DLG2: variants seen among roughly 807,000 people sequenced by gnomAD.
The protein encoded by DLG2 is discs large MAGUK scaffold protein 2, also known as disks large homolog 2.
A neutral mutation model predicts 132.5 loss-of-function variants in DLG2; 45 were observed. The observed-to-expected ratio is 0.34, with a 90% confidence interval of 0.27 to 0.44. The LOEUF (loss-of-function observed/expected upper bound fraction) is 0.44. Among genes scored for constraint, DLG2 ranks in the 20% least tolerant of loss-of-function variants. The pLI, the probability that DLG2 is intolerant of heterozygous loss-of-function variation, is 1.00. For missense variants in DLG2, 1,045 were observed against 1,196.9 expected, an observed-to-expected ratio of 0.87 and a Z score of 1.87; for synonymous variants, 424 against 419.6, an observed-to-expected ratio of 1.01 and a Z score of -0.13.
chr11:84,027,304 A>T (rs1310337261), intron 11 of DLG2, among the ~76,000 whole-genome samples: 1 of 152,104 alleles, frequency 6.6e-6, no homozygotes, highest in Non-Finnish European at 1.5e-5. Flanking sequence ...AGTTTTGGCA[A>T]CTACTAACTC....
intron 7 of DLG2, among the ~76,000 whole-genome samples, chr11:84,375,245 T>A (rs1433516388): frequency 1.3e-5 from 2 of 152,194 alleles, no homozygotes; most frequent in Admixed American, 6.6e-5. Flanking sequence ...CTTGTCTTAT[T>A]AATCTTTGTT....
intron 18 of DLG2, among the ~76,000 whole-genome samples, chr11:83,687,539 C>T (rs180757872): frequency 4.4e-4 from 67 of 152,168 alleles, no homozygotes; most frequent in Non-Finnish European, 6.3e-4. Context: ...TATTGCCTTC[C>T]TGCTATTTAT....
At chr11:83,862,142 T>C (rs947096263) in intron 16 of DLG2, among the ~76,000 whole-genome samples, 2 of 152,220 alleles carry the variant, frequency 1.3e-5, no homozygotes, top group African/African-American at 4.8e-5. Flanking sequence ...TGTGCTCCCA[T>C]GGTGATTGCA....
chr11:85,547,215 C>T (rs913514788), intron 3 of DLG2, among the ~76,000 whole-genome samples: 12 of 152,150 alleles, frequency 7.9e-5, no homozygotes, highest in Non-Finnish European at 1.6e-4. Context: ...TCAGCACTTG[C>T]TTGTCTATAA....
intron 6 of DLG2, among the ~76,000 whole-genome samples, chr11:84,870,954 A>T (rs567338953): frequency 1.3e-4 from 20 of 152,344 alleles, no homozygotes; most frequent in African/African-American, 4.8e-4. Flanking sequence ...TTCTAGGTTC[A>T]TTATATTTAT....
intron 20 of DLG2, among the ~76,000 whole-genome samples, chr11:83,537,712 G>A (rs1453871942): frequency 6.6e-6 from 1 of 150,510 alleles, no homozygotes; most frequent in Non-Finnish European, 1.5e-5. Context: ...CTACTCAGGA[G>A]GCTGAGGCAG....
At chr11:83,764,602 C>A (rs1399860658) in intron 18 of DLG2, among the ~76,000 whole-genome samples, 1 of 150,844 alleles carries the variant, frequency 6.6e-6, no homozygotes, top group Admixed American at 6.6e-5. Flanking sequence ...TAAACATTAA[C>A]CTACTTAATC....
At chr11:84,430,179 T>C (rs915763328) in intron 7 of DLG2, among the ~76,000 whole-genome samples, 1 of 152,146 alleles carries the variant, frequency 6.6e-6, no homozygotes, top group Non-Finnish European at 1.5e-5. Flanking sequence ...GGTTCACACC[T>C]GTAATCCCAG....
intron 14 of DLG2, among the ~76,000 whole-genome samples, chr11:83,946,439 G>T (rs2083983944): frequency 6.6e-6 from 1 of 152,134 alleles, no homozygotes; most frequent in South Asian, 2.1e-4. Context: ...TCCAGATTTG[G>T]TAGATCTGGC....
intron 9 of DLG2, among the ~76,000 whole-genome samples, chr11:84,162,029 A>C (rs1022954816): frequency 2.6e-5 from 4 of 152,220 alleles, no homozygotes; most frequent in African/African-American, 9.6e-5. Flanking sequence ...CCTGAAGATG[A>C]GAAATGCTCT....
At chr11:83,511,818 C>T (rs1241042316) in intron 21 of DLG2, among the ~76,000 whole-genome samples, 1 of 151,744 alleles carries the variant, frequency 6.6e-6, no homozygotes, top group African/African-American at 2.4e-5. Context: ...CTCACCTCAG[C>T]CTCCCAAGTA....
At chr11:84,147,596 T>G (rs2095132842) in intron 9 of DLG2, among the ~76,000 whole-genome samples, 1 of 152,080 alleles carries the variant, frequency 6.6e-6, no homozygotes, top group African/African-American at 2.4e-5. Flanking sequence ...AGTTGCAGAG[T>G]GCTATGTTAT....
At chr11:83,885,924 G>A (rs2097107483) in intron 15 of DLG2, among the ~76,000 whole-genome samples, 1 of 152,166 alleles carries the variant, frequency 6.6e-6, no homozygotes, top group Admixed American at 6.5e-5. Flanking sequence ...CACCAGGCCT[G>A]CCCTAAAAGA....
chr11:85,131,503 A>G (rs2075707939), intron 5 of DLG2, among the ~76,000 whole-genome samples: 1 of 152,124 alleles, frequency 6.6e-6, no homozygotes, highest in African/African-American at 2.4e-5. Context: ...CCTACTTAAG[A>G]TTTTTTAAAA....
chr11:85,593,446 A>G (rs2079512246), intron 3 of DLG2, among the ~76,000 whole-genome samples: 1 of 152,180 alleles, frequency 6.6e-6, no homozygotes, highest in Admixed American at 6.5e-5. Flanking sequence ...AGAATTTGCA[A>G]TTCTAACCAA....
intron 4 of DLG2, among the ~76,000 whole-genome samples, chr11:85,255,931 T>C (rs1175883090): frequency 2.0e-5 from 3 of 152,188 alleles, no homozygotes. Context: ...TTAATAATAA[T>C]TCAGAGTTAG....
intron 3 of DLG2, among the ~76,000 whole-genome samples, chr11:85,291,716 C>G (rs940387234): frequency 2.8e-4 from 42 of 151,906 alleles, no homozygotes; most frequent in African/African-American, 9.2e-4. Context: ...TCCCAAGTAG[C>G]TGGAATTACA....
intron 11 of DLG2, among the ~76,000 whole-genome samples, chr11:83,985,916 G>C (rs996784434): frequency 7.9e-5 from 12 of 151,896 alleles, no homozygotes; most frequent in Admixed American, 2.0e-4. Context: ...CTAGGTCTTT[G>C]AGGAATTGCC....
chr11:84,923,636 C>G (rs537477699), intron 6 of DLG2: 1 of 975,060 alleles, frequency 1.0e-6, no homozygotes, highest in Non-Finnish European at 1.2e-6. Flanking sequence ...GAGCTCTGCA[C>G]TATATTCCAG....
Sources: gnomAD v4.1 joint callset for allele counts (sites outside exome capture counted in the v4.1 genomes callset) on GRCh38, gnomAD v4.1.1 for gene constraint, MANE v1.5 for transcripts, NCBI Gene and HGNC (gene_info 2026-07-23, HGNC 2026-07-21) for gene names.